KIAA0319L: variants seen among roughly 807,000 people sequenced by gnomAD.
KIAA0319L encodes the protein dyslexia-associated protein KIAA0319-like protein.
A neutral mutation model predicts 120.1 loss-of-function variants in KIAA0319L; 55 were observed. The observed-to-expected ratio is 0.46, with a 90% confidence interval of 0.37 to 0.57. The LOEUF is 0.57. Among genes scored for constraint, KIAA0319L ranks in the 20% least tolerant of loss-of-function variants. KIAA0319L has a pLI of 0.00. For synonymous variants in KIAA0319L, 398 were observed against 471.9 expected (o/e 0.84, Z 2.03); for missense variants, 1,049 against 1,255.3 (o/e 0.84, Z 2.48).
intron 3 of KIAA0319L, among the ~76,000 whole-genome samples, chr1:35,482,554 C>T (rs1183940372): frequency 3.3e-5 from 5 of 151,774 alleles, no homozygotes; most frequent in Non-Finnish European, 5.9e-5. Flanking sequence ...CTCAGCCTCC[C>T]GAGTAGCTGG....
In KIAA0319L at chr1:35,442,165, G is replaced by C. The variant is rs530424147; in HGVS notation, c.2870+81C>G. 5.8e-4 allele frequency: 612 copies of C among 1,052,328 alleles called. 7 individuals are homozygous for C. In the South Asian group the frequency reaches 7.1e-3, roughly 12 times the overall value. 65.2% of individuals were successfully genotyped at this position (1,052,328 alleles called of 1,614,324 possible). On this transcript the variant is annotated intron_variant, in intron 19 of 20. Transcript: ENST00000325722. ...TAAGGACCCAGCCCAGTCCTTCCAC[G>C]TGGAAGGTGCCAAATACCTCTCTGA...
chr1:35,454,684 G>T (rs1342698371), intron 10 of KIAA0319L, 199 bp from the exon 11 acceptor site: 4 of 1,322,500 alleles, frequency 3.0e-6, no homozygotes, highest in African/African-American at 2.9e-5. Context: ...CCCCTTCAAG[G>T]AAACAACCCT....
chr1:35,547,705 G>A (rs996637026), intron 2 of KIAA0319L, among the ~76,000 whole-genome samples: 36 of 152,214 alleles, frequency 2.4e-4, no homozygotes, highest in African/African-American at 8.7e-4. Flanking sequence ...GAGTCAGAAA[G>A]CAGATTTGTG....
At chr1:35,537,618 A>AAG in intron 2 of KIAA0319L, among the ~76,000 whole-genome samples, 1 of 148,342 alleles carries the variant, frequency 6.7e-6, no homozygotes, top group South Asian at 2.1e-4. Flanking sequence ...GCGCCATTAA[A>AAG]AAAAAAAAAA....
At chr1:35,510,244 C>T (rs1645374722) in intron 2 of KIAA0319L, 1 of 152,206 alleles carries the variant, frequency 6.6e-6, no homozygotes, top group South Asian at 2.1e-4. Flanking sequence ...TAAGCTCACA[C>T]AGGCGAGCAA....
chr1:35,541,599 C>T (rs1646795569), intron 2 of KIAA0319L, among the ~76,000 whole-genome samples: 3 of 152,066 alleles, frequency 2.0e-5, no homozygotes, highest in African/African-American at 7.2e-5. Flanking sequence ...ATCCACCCAC[C>T]GCAGCCTCCC....
chr1:35,434,728 G>A lies in KIAA0319L; in HGVS notation c.*166C>T, dbSNP rs1640651087. ...CTCTTCATTCACAGCTTCGTTGAGG[G>A]GTTCCTGGAGGACGTCTCTGGATTC... is the stretch of plus-strand genomic sequence containing the variant. On this transcript the variant is annotated 3_prime_UTR_variant, in exon 21 of 21. Transcript: ENST00000325722. 1 of 589,016 alleles carries A rather than the reference G, an allele frequency of 1.7e-6. No homozygotes were observed. The highest frequency in any genetic ancestry group is 3.0e-5 in the East Asian group (1 of 33,446). 36.5% of individuals were successfully genotyped at this position (589,016 alleles called of 1,614,324 possible).
Position 35,506,842 on chromosome 1 carries a change from C to T in KIAA0319L, c.436G>A (p.Asp146Asn). ...TADDLGFLPE[D>N]DVPHLLGLGW... ...AGCCCCAGAAGATGTGGTACATCAT[C>T]TTCAGGTAGAAAGCCCAAATCATCT... Residue 146 changes from aspartate to asparagine, a missense_variant, in exon 3 of 21, where the codon GAT becomes AAT. Coordinates refer to ENST00000325722, the MANE Select transcript of KIAA0319L (RefSeq NM_024874.5). The surrounding 1 kb of genome is among the most constrained non-coding windows in gnomAD (Gnocchi z 4.0). 8.7e-6 allele frequency: 14 copies of T among 1,614,216 alleles called. No individual in the cohort carries two copies. Among genetic ancestry groups the T allele is most frequent in the African/African-American group, 1.3e-5 (1 of 75,052 alleles).
At chr1:35,458,714 C>T (rs866592911) in intron 9 of KIAA0319L, among the ~76,000 whole-genome samples, 1 of 152,174 alleles carries the variant, frequency 6.6e-6, no homozygotes, top group African/African-American at 2.4e-5. Context: ...CAGCAAAGAG[C>T]TCAGAATAGT....
At chr1:35,504,943 G>A (rs1447817338) in intron 3 of KIAA0319L, among the ~76,000 whole-genome samples, 1 of 151,946 alleles carries the variant, frequency 6.6e-6, no homozygotes, top group African/African-American at 2.4e-5. Flanking sequence ...CATATTCTAG[G>A]GCACCTAACA....
chr1:35,508,231 C>A lies in KIAA0319L; in HGVS notation c.143-1096G>T, dbSNP rs185117160. On this transcript the variant is annotated intron_variant, in intron 2 of 20. Coordinates refer to ENST00000325722, the MANE Select transcript of KIAA0319L (RefSeq NM_024874.5). ...TGAGTGTCTCTTTAAATTCTGTGTT[C>A]TGGGCACCTCTCTCCTTACCCTAGT... Among the ~76,000 whole-genome samples, 30 of 152,276 alleles carry A rather than the reference C, an allele frequency of 2.0e-4. No individual in the cohort carries two copies. In the East Asian group the frequency reaches 5.0e-3, roughly 25 times the overall value.
At chr1:35,520,145 C>T (rs1164075526) in intron 2 of KIAA0319L, among the ~76,000 whole-genome samples, 2 of 151,898 alleles carry the variant, frequency 1.3e-5, no homozygotes, top group African/African-American at 4.8e-5. Context: ...CTCTGTCGCC[C>T]AGGCTGGAGT....
intron 3 of KIAA0319L, among the ~76,000 whole-genome samples, chr1:35,499,873 C>A (rs774712261): frequency 2.0e-5 from 3 of 151,902 alleles, no homozygotes; most frequent in Non-Finnish European, 4.4e-5. Context: ...TCATCAGTTA[C>A]GTAAGATTAT....
intron 9 of KIAA0319L, among the ~76,000 whole-genome samples, chr1:35,458,990 A>G (rs897249893): frequency 3.3e-5 from 5 of 152,198 alleles, no homozygotes; most frequent in African/African-American, 1.2e-4. Flanking sequence ...TATGGTAGGT[A>G]TTGTGCTAGG....
rs563810061 is a variant in KIAA0319L at position 35,534,954 on chromosome 1, A to G, written c.142+19396T>C. ...CAACATGGCAGTCAAAAAATCAGCC[A>G]GCTGTGGTGGCGCATGCCTGTAATC... On this transcript the variant is annotated intron_variant, in intron 2 of 20. Transcript: ENST00000325722. 6.6e-5 allele frequency among the ~76,000 whole-genome samples: 10 copies of G among 150,858 alleles called. No homozygotes were observed. In the East Asian group the frequency reaches 1.9e-3, roughly 29 times the overall value.
upstream of KIAA0319L, chr1:35,557,509 A>C: frequency 2.8e-6 from 1 of 361,314 alleles, no homozygotes. Context: ...CGCGAGACCA[A>C]GGGGGAGGAG....
At chr1:35,455,693 G>A (rs545277783) in intron 10 of KIAA0319L, among the ~76,000 whole-genome samples, 2 of 146,214 alleles carry the variant, frequency 1.4e-5, no homozygotes, top group African/African-American at 5.1e-5. Context: ...GGATTCTCCT[G>A]CCTCAGCCTC....
At chr1:35,486,958 G>T (rs1644412549) in intron 3 of KIAA0319L, among the ~76,000 whole-genome samples, 1 of 152,104 alleles carries the variant, frequency 6.6e-6, no homozygotes, top group Non-Finnish European at 1.5e-5. Context: ...ACATACATAT[G>T]ATAGCTACTT....
At chr1:35,505,596 G>T (rs1408809584) in intron 3 of KIAA0319L, among the ~76,000 whole-genome samples, 2 of 152,114 alleles carry the variant, frequency 1.3e-5, no homozygotes, top group African/African-American at 4.8e-5. Flanking sequence ...ATTCACCTTT[G>T]TATCTCTAAG....
Sources: allele counts gnomAD v4.1 joint callset (sites outside exome capture counted in the v4.1 genomes callset), GRCh38; gene constraint gnomAD v4.1.1; non-coding constraint Gnocchi (gnomAD v3.1); transcripts MANE v1.5; gene names NCBI Gene and HGNC (gene_info 2026-07-23, HGNC 2026-07-21).